RAI2: variants seen among roughly 807,000 people sequenced by gnomAD.
RAI2 encodes retinoic acid-induced protein 2.
In RAI2, 5 loss-of-function variants were observed where a neutral mutation model predicts 15.3. That is an observed-to-expected ratio of 0.33 (90% CI 0.17 to 0.69). RAI2 has a LOEUF of 0.69. Ranked by LOEUF, RAI2 falls within the 30% of genes least tolerant of loss-of-function variation. The probability of loss-of-function intolerance (pLI) is 0.69; values close to 1 mark genes in which losing one functional copy is unlikely to be tolerated. For synonymous variants in RAI2, 191 were observed against 184.0 expected (o/e 1.04, Z -0.31); for missense variants, 424 against 424.7 (o/e 1.00, Z 0.01).
intron 1 of RAI2, among the ~76,000 whole-genome samples, chrX:17,848,642 A>G (rs1458916660): frequency 8.9e-6 from 1 of 111,803 alleles, no homozygotes; most frequent in African/African-American, 3.3e-5. Flanking sequence ...CCCCTGCCCC[A>G]GGGAGGCTGG....
chrX:17,844,111 C>T (rs190662889), intron 1 of RAI2, among the ~76,000 whole-genome samples: 10 of 112,171 alleles, frequency 8.9e-5, no homozygotes, highest in Admixed American at 7.5e-4. Flanking sequence ...AGACACATTA[C>T]GATGTATGTT....
intron 1 of RAI2, among the ~76,000 whole-genome samples, chrX:17,810,673 C>T (rs1195345579): frequency 9.0e-6 from 1 of 110,917 alleles, no homozygotes; most frequent in Non-Finnish European, 1.9e-5. Context: ...GTGGGAGCAC[C>T]AAGGAGGAAT....
intron 1 of RAI2, among the ~76,000 whole-genome samples, chrX:17,847,065 C>T (rs111931142): frequency 0.01 from 1,143 of 111,837 alleles, 10 homozygotes; most frequent in African/African-American, 0.034. Context: ...GATTGTGAGG[C>T]CTCCCCAGCC....
chrX:17,858,626 T>C lies in RAI2; in HGVS notation c.-25+2472A>G, dbSNP rs1182041000. ...CAACAGCTCCTCACACACCTTCCAGTCTTTGATTTTTCTTTCTTGTAGTTC... is the reference window on the plus strand; with the variant it reads ...CAACAGCTCCTCACACACCTTCCAGCCTTTGATTTTTCTTTCTTGTAGTTC... On this transcript the variant is annotated intron_variant, in intron 1 of 1. Transcript: ENST00000451717. Among the ~76,000 whole-genome samples the C allele has an allele frequency of 5.4e-5, 6 of 111,890 alleles. No homozygotes were observed. In the Admixed American group the frequency reaches 5.6e-4, roughly 10 times the overall value.
intron 1 of RAI2, among the ~76,000 whole-genome samples, chrX:17,813,489 A>C (rs1434603824): frequency 9.0e-6 from 1 of 111,481 alleles, no homozygotes; most frequent in Non-Finnish European, 1.9e-5. Context: ...GAACCTTCCT[A>C]GCTGTCTTGA....
At chrX:17,856,744 C>T (rs1476479638) in intron 1 of RAI2, among the ~76,000 whole-genome samples, 1 of 112,287 alleles carries the variant, frequency 8.9e-6, no homozygotes, top group East Asian at 2.8e-4. Flanking sequence ...AGGGCAGGGG[C>T]TGGGAGAGAA....
intron 1 of RAI2, among the ~76,000 whole-genome samples, chrX:17,845,060 AAT>A (rs746568240): frequency 0.012 from 1,309 of 112,355 alleles, 7 homozygotes; most frequent in Non-Finnish European, 0.019. Context: ...GTGTGTGTGA[AAT>A]AGACAACCTT....
chrX:17,853,110 T>C (rs2067556347), intron 1 of RAI2, among the ~76,000 whole-genome samples: 1 of 111,086 alleles, frequency 9.0e-6, no homozygotes, highest in Non-Finnish European at 1.9e-5. Context: ...ATCAGGTGCA[T>C]ATGAAAAAGA....
At chrX:17,819,727 G>A (rs2067144351) in intron 1 of RAI2, among the ~76,000 whole-genome samples, 1 of 112,408 alleles carries the variant, frequency 8.9e-6, no homozygotes, top group Non-Finnish European at 1.9e-5. Flanking sequence ...ATACAAAAGT[G>A]CACATGCTGT....
intron 1 of RAI2, among the ~76,000 whole-genome samples, chrX:17,804,956 G>A (rs780279690): frequency 8.9e-6 from 1 of 112,947 alleles, no homozygotes; most frequent in African/African-American, 3.2e-5. Context: ...CCTCCCTCAG[G>A]CCCCTGTTCC....
chrX:17,843,668 T>C (rs2147269294), intron 1 of RAI2, among the ~76,000 whole-genome samples: 1 of 112,454 alleles, frequency 8.9e-6, no homozygotes, highest in Admixed American at 9.4e-5. Flanking sequence ...TAAGATTCTA[T>C]TTCCTGCTAG....
intron 1 of RAI2, among the ~76,000 whole-genome samples, chrX:17,803,198 AAG>A (rs1354185248): frequency 3.6e-5 from 4 of 111,140 alleles, no homozygotes; most frequent in African/African-American, 1.3e-4. Context: ...CCTCCAAAGA[AAG>A]AGAGGCGGCC....
rs2066885444 is a variant in RAI2 at position 17,800,338 on chromosome X, A to G, written c.*80T>C. On this transcript the variant is annotated 3_prime_UTR_variant, in exon 2 of 2. Transcript: ENST00000451717. ...ACTCCCCAAAATAATTAACAAAGAT[A>G]ATTTGTTTTAAATGCCTTTTTATAA... 1 of 1,082,625 alleles carries G rather than the reference A, an allele frequency of 9.2e-7. No individual in the cohort carries two copies. The highest frequency in any genetic ancestry group is 1.9e-5 in the African/African-American group (1 of 53,462). 89.2% of individuals were successfully genotyped at this position (1,082,625 alleles called of 1,213,427 possible).
chrX:17,816,538 G>C (rs1001448028), intron 1 of RAI2, among the ~76,000 whole-genome samples: 1 of 112,476 alleles, frequency 8.9e-6, no homozygotes, highest in Non-Finnish European at 1.9e-5. Flanking sequence ...GGTCTGCCTA[G>C]CTTTGCTGTC....
Position 17,801,906 on chromosome X carries a change from G to A in RAI2, c.105C>T (p.Thr35=), listed in dbSNP as rs139570621. The A allele has an allele frequency of 9.1e-6, 11 of 1,209,062 alleles. No homozygotes were observed. The highest frequency in any genetic ancestry group is 3.0e-5 in the East Asian group (1 of 33,698). The change falls in exon 2 of 2, where the codon ACC becomes ACT. Residue 35 remains threonine (T), a synonymous_variant. Coordinates refer to ENST00000451717, the MANE Select transcript of RAI2 (RefSeq NM_021785.6). The part of the protein sequence containing the change: ...LENGMAQLIT[T]EAWNINSTDL... ...CAGTGGAGTTGATGTTCCAGGCCTCGGTGGTGATCAGCTGAGCCATGCCAT... is the reference window on the plus strand; with the variant it reads ...CAGTGGAGTTGATGTTCCAGGCCTCAGTGGTGATCAGCTGAGCCATGCCAT...
In RAI2 at chrX:17,800,425, C is replaced by A; in HGVS notation, c.1586G>T (p.Arg529Ile). The change falls in exon 2 of 2, where the codon AGA (arginine) becomes ATA (isoleucine). Residue 529 changes from arginine to isoleucine, a missense_variant. Transcript: ENST00000451717. ...ATTTTAAAAAGCCGTTATTTACTTT[C>A]TTGGAAAAAAGGTGGCCAGCCGTTG... ...KKQRLATFFP[R>I]K is the part of the protein sequence containing the mutation. The A allele has an allele frequency of 8.5e-7, 1 of 1,182,061 alleles. No individual in the cohort carries two copies. The highest frequency in any genetic ancestry group is 1.1e-6 in the Non-Finnish European group (1 of 881,610).
At chrX:17,822,521 T>C (rs1429411011) in intron 1 of RAI2, among the ~76,000 whole-genome samples, 1 of 112,279 alleles carries the variant, frequency 8.9e-6, no homozygotes, top group Non-Finnish European at 1.9e-5. Flanking sequence ...GCTGTTTCCA[T>C]CTTGCATCCC....
Position 17,801,865 on chromosome X carries a change from G to T in RAI2, c.146C>A (p.Ala49Asp). 1 of 1,211,166 alleles carries T rather than the reference G, an allele frequency of 8.3e-7. No individual in the cohort carries two copies. The highest frequency in any genetic ancestry group is 3.0e-5 in the East Asian group (1 of 33,788). The stretch of plus-strand genomic sequence containing the variant: ...GGATGGGGCTGGCACGGTCACCAGG[G>T]CCTTCTTTACCAGGTCAGTGGAGTT... The part of the protein sequence containing the change: ...NINSTDLVKK[A>D]LVTVPAPSIL... The change falls in exon 2 of 2, where the codon GCC becomes GAC. Residue 49 changes from alanine (A) to aspartate (D), a missense_variant. Transcript: ENST00000451717.
chrX:17,823,729 C>T lies in RAI2; in HGVS notation c.-24-21695G>A, dbSNP rs144033312. On this transcript the variant is annotated intron_variant, in intron 1 of 1. Transcript: ENST00000451717. ...CTGAACCCACCAAATCTCGTTTGAA[C>T]GACCCAGATTCCCAGGCCACACCCA... 5.6e-3 allele frequency among the ~76,000 whole-genome samples: 632 copies of T among 111,904 alleles called. 6 individuals are homozygous for T. The highest frequency in any genetic ancestry group is 0.019 in the African/African-American group (595 of 30,813).
Sources: allele counts gnomAD v4.1 joint callset (sites outside exome capture counted in the v4.1 genomes callset), GRCh38; gene constraint gnomAD v4.1.1; transcripts MANE v1.5; gene names NCBI Gene and HGNC (gene_info 2026-07-23, HGNC 2026-07-21).